Variants in TSEN2 observed in about 807,000 individuals in gnomAD.
TSEN2 encodes tRNA-splicing endonuclease subunit Sen2.
TSEN2 carries 54 observed loss-of-function variants against 59.2 expected under a neutral mutation model. The ratio of observed to expected loss-of-function variants is 0.91; its 90% confidence interval spans 0.73 to 1.14. The LOEUF is 1.14. Ranked by LOEUF, TSEN2 falls within the 50% of genes most tolerant of loss-of-function variation. The pLI, the probability that TSEN2 is intolerant of heterozygous loss-of-function variation, is 0.00. For synonymous variants in TSEN2, 195 were observed against 198.2 expected (o/e 0.98, Z 0.14); for missense variants, 636 against 576.2 (o/e 1.10, Z -1.06).
intron 8 of TSEN2, among the ~76,000 whole-genome samples, chr3:12,527,447 T>G (rs2057173585): frequency 6.6e-6 from 1 of 151,110 alleles, no homozygotes; most frequent in Admixed American, 6.6e-5. Flanking sequence ...ACTTTTCTTT[T>G]TTTTTTTTCT....
intron 6 of TSEN2, among the ~76,000 whole-genome samples, chr3:12,507,732 T>C (rs932120225): frequency 3.9e-5 from 6 of 152,184 alleles, no homozygotes; most frequent in Non-Finnish European, 7.3e-5. Context: ...TAGTGTGGCA[T>C]ATGGATCTTG....
chr3:12,537,305 G>A (rs2057694793), downstream of TSEN2, among the ~76,000 whole-genome samples: 1 of 151,904 alleles, frequency 6.6e-6, no homozygotes, highest in Admixed American at 6.6e-5. Flanking sequence ...AGGCTGAGGT[G>A]GGAGAATTGC....
intron 6 of TSEN2, among the ~76,000 whole-genome samples, chr3:12,505,783 C>CAAAAAAAAAA (rs34334319): frequency 1.2e-5 from 1 of 84,682 alleles, no homozygotes; most frequent in South Asian, 5.3e-4. Context: ...AACTCTGTCT[C>CAAAAAAAAAA]AAAAAAAAAA....
At chr3:12,510,931 C>A (rs2055380188) in intron 6 of TSEN2, among the ~76,000 whole-genome samples, 3 of 152,204 alleles carry the variant, frequency 2.0e-5, no homozygotes, top group Admixed American at 2.0e-4. Context: ...ACTCTAATTT[C>A]TCTCTATAAA....
intron 4 of TSEN2, among the ~76,000 whole-genome samples, chr3:12,499,878 G>T (rs1212921659): frequency 1.3e-5 from 2 of 152,166 alleles, no homozygotes; most frequent in Non-Finnish European, 2.9e-5. Context: ...AGGCACTGTG[G>T]CCCCAGAACC....
chr3:12,520,108 C>T (rs1012733163), intron 8 of TSEN2, among the ~76,000 whole-genome samples: 4 of 151,954 alleles, frequency 2.6e-5, no homozygotes, highest in African/African-American at 4.8e-5. Context: ...ACGCCGTTCT[C>T]CTGCCTCAGC....
At chr3:12,511,901 A>G (rs868270943) in intron 6 of TSEN2, among the ~76,000 whole-genome samples, 3 of 152,340 alleles carry the variant, frequency 2.0e-5, no homozygotes, top group South Asian at 4.1e-4. Flanking sequence ...AAGTTCTTCT[A>G]AGAGGCCATA....
At chr3:12,536,011 C>T (rs916541057), downstream of TSEN2, among the ~76,000 whole-genome samples, 1 of 152,174 alleles carries the variant, frequency 6.6e-6, no homozygotes, top group Non-Finnish European at 1.5e-5. Flanking sequence ...CATACAAAAG[C>T]GTCTGGCACA....
chr3:12,528,934 G>A lies in TSEN2; in HGVS notation c.1136+10G>A. 1 of 1,613,922 alleles carries A rather than the reference G, an allele frequency of 6.2e-7. No individual in the cohort carries two copies. The highest frequency in any genetic ancestry group is 8.5e-7 in the Non-Finnish European group (1 of 1,179,950). ...CATTTTACCATGCAAGGTTCGGAGT[G>A]ATTTTTAAATAAACTAATGGGTTAA... On this transcript the variant is annotated intron_variant, in intron 9 of 11. Coordinates refer to ENST00000284995, the MANE Select transcript of TSEN2 (RefSeq NM_025265.4).
intron 8 of TSEN2, among the ~76,000 whole-genome samples, chr3:12,527,888 A>T (rs1205201078): frequency 6.6e-6 from 1 of 152,174 alleles, no homozygotes; most frequent in Non-Finnish European, 1.5e-5. Flanking sequence ...TTTGGTGAAC[A>T]GTTAGCCAGT....
At chr3:12,522,184 G>A (rs1575428401) in intron 8 of TSEN2, among the ~76,000 whole-genome samples, 1 of 152,028 alleles carries the variant, frequency 6.6e-6, no homozygotes, top group South Asian at 2.1e-4. Context: ...TTATACTTTG[G>A]ATGATGCATA....
rs77058937 is a variant in TSEN2, at chr3:12,487,221, C to T, written c.-18+2341C>T. Among the ~76,000 whole-genome samples, 116 of 152,246 alleles carry T rather than the reference C, an allele frequency of 7.6e-4. 1 individual carries two copies. Among genetic ancestry groups the T allele is most frequent in the African/African-American group, 2.6e-3 (109 of 41,546 alleles). On this transcript the variant is annotated intron_variant, in intron 1 of 11. Coordinates refer to ENST00000284995, the MANE Select transcript of TSEN2 (RefSeq NM_025265.4). ...CTTTGCATGTCTGGAAGGCCTACTG[C>T]GAGCCAAATTCCTGAGGGGTGTGCA...
downstream of TSEN2, among the ~76,000 whole-genome samples, chr3:12,537,380 CAG>C (rs1010396274): frequency 6.6e-6 from 1 of 152,068 alleles, no homozygotes; most frequent in African/African-American, 2.4e-5. Flanking sequence ...GCCTGGGCAA[CAG>C]AGGAAGACCC....
chr3:12,489,780 A>C lies in TSEN2; in HGVS notation c.-17-4A>C. ...TCTTTCTGTTTGTTGTCTACTCTTT[A>C]AAGAATACCTCCTCTGAAAAATGGC... On this transcript the variant is annotated splice_region_variant and splice_polypyrimidine_tract_variant and intron_variant, in intron 1 of 11. Transcript: ENST00000284995. 6.2e-7 allele frequency: 1 copy of C among 1,610,264 alleles called. No homozygotes were observed. Among genetic ancestry groups the C allele is most frequent in the East Asian group, 2.2e-5 (1 of 44,868 alleles).
intron 8 of TSEN2, among the ~76,000 whole-genome samples, chr3:12,521,359 A>G (rs536912165): frequency 6.6e-6 from 1 of 152,358 alleles, no homozygotes; most frequent in Non-Finnish European, 1.5e-5. Flanking sequence ...AGTTTCTGCA[A>G]CAGATAAGCA....
At chr3:12,487,291 G>GTT (rs956620322) in intron 1 of TSEN2, among the ~76,000 whole-genome samples, 1 of 152,224 alleles carries the variant, frequency 6.6e-6, no homozygotes, top group African/African-American at 2.4e-5. Context: ...TATGAGGGGT[G>GTT]TTTTGTCGCA....
chr3:12,502,213 AT>A (rs2054340864), intron 4 of TSEN2, among the ~76,000 whole-genome samples: 1 of 152,212 alleles, frequency 6.6e-6, no homozygotes, highest in Admixed American at 6.5e-5. Flanking sequence ...TATGAATGGC[AT>A]ATCTATCTGA....
At chr3:12,537,025 G>A (rs1180337060), downstream of TSEN2, among the ~76,000 whole-genome samples, 1 of 148,362 alleles carries the variant, frequency 6.7e-6, no homozygotes, top group Non-Finnish European at 1.5e-5. Context: ...AAAGGAATTC[G>A]TAGCCTGCTG....
chr3:12,497,932 C>T (rs1575271623), intron 4 of TSEN2, among the ~76,000 whole-genome samples: 1 of 152,194 alleles, frequency 6.6e-6, no homozygotes, highest in East Asian at 1.9e-4. Flanking sequence ...GAGCATCCTT[C>T]CTTGCCTGCC....
Sources: allele counts gnomAD v4.1 joint callset (sites outside exome capture counted in the v4.1 genomes callset), GRCh38; gene constraint gnomAD v4.1.1; transcripts MANE v1.5; gene names NCBI Gene and HGNC (gene_info 2026-07-23, HGNC 2026-07-21).